ATXN7L1: variants seen among roughly 807,000 people sequenced by gnomAD.
ATXN7L1 encodes the protein ataxin 7 like 1, also known as ataxin-7-like protein 1.
Under a neutral mutation model 70.8 loss-of-function variants are expected in ATXN7L1, and 15 were observed. That is an observed-to-expected ratio of 0.21 (90% CI 0.14 to 0.33). The LOEUF (loss-of-function observed/expected upper bound fraction) is 0.33. ATXN7L1 is among the 10% of genes least tolerant of loss of function. ATXN7L1 has a pLI of 1.00. For synonymous variants in ATXN7L1, 440 were observed against 445.1 expected (o/e 0.99, Z 0.14); for missense variants, 975 against 1,097.1 (o/e 0.89, Z 1.57).
Position 105,614,496 on chromosome 7 carries a change from G to T in ATXN7L1, c.1838C>A (p.Ser613Tyr). The T allele has an allele frequency of 6.5e-7, 1 of 1,534,432 alleles. No homozygotes were observed. Among genetic ancestry groups the T allele is most frequent in the Non-Finnish European group, 8.8e-7 (1 of 1,137,242 alleles). The stretch of plus-strand genomic sequence containing the variant: ...GGTTTTGGATGGCTTGTGGGATGGG[G>T]AAGGGATGACGGCTGGTATCGGGGA... ...AVSPIPAVIP[S>Y]PSHKPSKTKT... Residue 613 changes from serine (S) to tyrosine (Y), a missense_variant, in exon 10 of 12, where the codon TCC (serine) becomes TAC (tyrosine). Around this residue, in one of 5 missense-constraint regions of ATXN7L1, gnomAD observed 635 missense variants for 699.4 expected, o/e 0.91. Coordinates refer to ENST00000419735, the MANE Select transcript of ATXN7L1 (RefSeq NM_020725.2). This position sits in a 1 kb window ranked among gnomAD's most constrained non-coding sequence, Gnocchi z 4.3.
chr7:105,759,755 G>T (rs1800306068), intron 3 of ATXN7L1, among the ~76,000 whole-genome samples: 1 of 152,084 alleles, frequency 6.6e-6, no homozygotes, highest in Non-Finnish European at 1.5e-5. Context: ...AATGTTTAGT[G>T]TATTTTCTTA....
At chr7:105,673,942 G>C (rs1804196562) in intron 3 of ATXN7L1, among the ~76,000 whole-genome samples, 1 of 152,242 alleles carries the variant, frequency 6.6e-6, no homozygotes, top group Admixed American at 6.5e-5. Flanking sequence ...AGGAAATGAA[G>C]ACACAGGAAA....
intron 3 of ATXN7L1, among the ~76,000 whole-genome samples, chr7:105,770,253 A>G (rs2116436725): frequency 6.6e-6 from 1 of 152,374 alleles, no homozygotes; most frequent in East Asian, 1.9e-4. Context: ...GCTATTTATC[A>G]TGGCAAATGA....
At chr7:105,743,547 T>C (rs895752930) in intron 3 of ATXN7L1, among the ~76,000 whole-genome samples, 1 of 151,906 alleles carries the variant, frequency 6.6e-6, no homozygotes, top group African/African-American at 2.4e-5. Context: ...CAAGGTTCCC[T>C]GTGCCACTCA....
chr7:105,817,580 T>A (rs750811954), intron 2 of ATXN7L1, among the ~76,000 whole-genome samples: 1 of 152,126 alleles, frequency 6.6e-6, no homozygotes, highest in Non-Finnish European at 1.5e-5. Context: ...TCCCATTCCC[T>A]ACCCCCAAGA....
At chr7:105,865,777 C>G (rs1201865170) in intron 2 of ATXN7L1, among the ~76,000 whole-genome samples, 1 of 152,164 alleles carries the variant, frequency 6.6e-6, no homozygotes, top group Non-Finnish European at 1.5e-5. Context: ...ACCATCACCA[C>G]AGTCCATCTC....
chr7:105,628,662 G>C (rs960259345), intron 7 of ATXN7L1, among the ~76,000 whole-genome samples: 1 of 151,628 alleles, frequency 6.6e-6, no homozygotes, highest in Non-Finnish European at 1.5e-5. Context: ...GCATGGTGGC[G>C]GGCACCTGTA....
At chr7:105,853,973 C>A (rs937945108) in intron 2 of ATXN7L1, among the ~76,000 whole-genome samples, 2 of 152,130 alleles carry the variant, frequency 1.3e-5, no homozygotes, top group Non-Finnish European at 2.9e-5. Context: ...AGGGGCCTAA[C>A]ATCTGTGGAC....
intron 2 of ATXN7L1, among the ~76,000 whole-genome samples, chr7:105,855,388 G>A (rs569857064): frequency 1.2e-3 from 181 of 152,310 alleles, no homozygotes; most frequent in African/African-American, 4.2e-3. Flanking sequence ...TGGGCCACAC[G>A]TTGCTTAATC....
At chr7:105,804,059 G>A (rs900356415) in intron 2 of ATXN7L1, among the ~76,000 whole-genome samples, 3 of 152,146 alleles carry the variant, frequency 2.0e-5, no homozygotes, top group Non-Finnish European at 4.4e-5. Flanking sequence ...GGAGAGAAAT[G>A]GGCATCCCTT....
chr7:105,722,257 G>T (rs1469869015), intron 3 of ATXN7L1, among the ~76,000 whole-genome samples: 1 of 152,056 alleles, frequency 6.6e-6, no homozygotes, highest in African/African-American at 2.4e-5. Flanking sequence ...AGTTAAAGTG[G>T]GGTCCATATT....
intron 3 of ATXN7L1, among the ~76,000 whole-genome samples, chr7:105,783,795 T>C (rs1294667271): frequency 6.6e-6 from 1 of 152,218 alleles, no homozygotes; most frequent in Non-Finnish European, 1.5e-5. Context: ...TAGCCAATTA[T>C]TGAACATAAG....
At chr7:105,620,830 G>A (rs1356521513) in intron 8 of ATXN7L1, among the ~76,000 whole-genome samples, 2 of 151,020 alleles carry the variant, frequency 1.3e-5, no homozygotes, top group Non-Finnish European at 2.9e-5. Flanking sequence ...GGGAGGTGGA[G>A]GTTGCAGTGA....
intron 3 of ATXN7L1, among the ~76,000 whole-genome samples, chr7:105,714,118 C>T (rs1794245194): frequency 6.6e-6 from 1 of 152,238 alleles, no homozygotes; most frequent in Non-Finnish European, 1.5e-5. Context: ...TCTTTAAATC[C>T]TTATTTTCAA....
At chr7:105,733,553 T>TCCTTCCATCCATCCACCCAA (rs1796868032) in intron 3 of ATXN7L1, among the ~76,000 whole-genome samples, 3 of 76,450 alleles carry the variant, frequency 3.9e-5, no homozygotes, top group African/African-American at 5.8e-5. Context: ...CATCCATCCA[T>TCCTTCCATCCATCCACCCAA]CCACCCATCC....
chr7:105,795,762 G>C (rs1376614096), intron 2 of ATXN7L1, among the ~76,000 whole-genome samples: 2 of 151,986 alleles, frequency 1.3e-5, no homozygotes, highest in Non-Finnish European at 2.9e-5. Flanking sequence ...CCCACGGTCG[G>C]AAAAAAGAAG....
Position 105,670,781 on chromosome 7 carries a change from G to A in ATXN7L1, c.356-5493C>T, listed in dbSNP as rs564144113. Reference sequence around the variant, plus strand: ...GATTGAGACCACCCTAGCCAACATGGTGAAACCCCATCTCTACTAAAAATA... The same window carrying A: ...GATTGAGACCACCCTAGCCAACATGATGAAACCCCATCTCTACTAAAAATA... On this transcript the variant is annotated intron_variant, in intron 3 of 11. Transcript: ENST00000419735. Among the ~76,000 whole-genome samples, 192 of 152,156 alleles carry A rather than the reference G, an allele frequency of 1.3e-3. 1 individual carries two copies. The highest frequency in any genetic ancestry group is 4.4e-4 in the Non-Finnish European group (30 of 67,992).
intron 2 of ATXN7L1, among the ~76,000 whole-genome samples, chr7:105,824,859 G>A (rs1810637395): frequency 6.7e-6 from 1 of 150,362 alleles, no homozygotes; most frequent in South Asian, 2.1e-4. Flanking sequence ...GGCTTGCAGT[G>A]AGCTGAGAGC....
At chr7:105,674,457 G>A (rs1376598000) in intron 3 of ATXN7L1, among the ~76,000 whole-genome samples, 1 of 152,212 alleles carries the variant, frequency 6.6e-6, no homozygotes, top group Non-Finnish European at 1.5e-5. Flanking sequence ...TTATAGATGG[G>A]GAAATTACTA....
Sources: allele counts gnomAD v4.1 joint callset (sites outside exome capture counted in the v4.1 genomes callset), GRCh38; gene constraint gnomAD v4.1.1; regional missense constraint gnomAD v4.1.1; non-coding constraint Gnocchi (gnomAD v3.1); transcripts MANE v1.5; gene names NCBI Gene and HGNC (gene_info 2026-07-23, HGNC 2026-07-21).